PKIB: variants seen among roughly 807,000 people sequenced by gnomAD.
The protein encoded by PKIB is cAMP-dependent protein kinase inhibitor beta.
Under a neutral mutation model 4.5 loss-of-function variants are expected in PKIB, and 2 were observed. The observed-to-expected ratio is 0.44, with a 90% CI of 0.18 to 1.39. The LOEUF is 1.39. Among genes scored for constraint, PKIB ranks in the 40% most tolerant of loss-of-function variants. The pLI is 0.27. For synonymous variants in PKIB, 38 were observed against 36.0 expected, an observed-to-expected ratio of 1.06 and a Z score of -0.20; for missense variants, 94 against 92.6, an observed-to-expected ratio of 1.02 and a Z score of -0.06.
chr6:122,636,489 A>G (rs144584887), intron 2 of PKIB, among the ~76,000 whole-genome samples: 2 of 152,198 alleles, frequency 1.3e-5, no homozygotes, highest in East Asian at 1.9e-4. Context: ...AAAGAAATGT[A>G]CAAGACTTAA....
intron 2 of PKIB, among the ~76,000 whole-genome samples, chr6:122,674,382 G>A (rs937183863): frequency 6.6e-6 from 1 of 152,164 alleles, no homozygotes. Context: ...GGCAGTGAGA[G>A]TGTGGTGAAG....
intron 1 of PKIB, among the ~76,000 whole-genome samples, chr6:122,630,346 CTTTATTCA>C (rs772085243): frequency 1.3e-5 from 2 of 151,966 alleles, no homozygotes; most frequent in Non-Finnish European, 2.9e-5. Flanking sequence ...TTATTTAAGG[CTTTATTCA>C]GCCTAAAAAA....
At chr6:122,576,710 A>ATATATATATATATATATATATATATATAT (rs59569106) in intron 2 of PKIB, among the ~76,000 whole-genome samples, 2 of 110,034 alleles carry the variant, frequency 1.8e-5, no homozygotes, top group African/African-American at 4.0e-5. Flanking sequence ...ATATATATAT[A>ATATATATATATATATATATATATATATAT]TTTTCTTTTG....
intron 2 of PKIB, among the ~76,000 whole-genome samples, chr6:122,556,889 C>T (rs886703365): frequency 9.8e-5 from 15 of 152,290 alleles, no homozygotes; most frequent in East Asian, 5.8e-4. Flanking sequence ...TGTATAATAA[C>T]ACTTGATTGT....
At chr6:122,490,942 G>A (rs1330190746) in intron 2 of PKIB, among the ~76,000 whole-genome samples, 2 of 152,138 alleles carry the variant, frequency 1.3e-5, no homozygotes, top group Admixed American at 6.5e-5. Context: ...CAGTGATTAT[G>A]TTAGTGGCAG....
intron 1 of PKIB, among the ~76,000 whole-genome samples, chr6:122,622,190 CT>C (rs1775261981): frequency 6.6e-6 from 1 of 152,118 alleles, no homozygotes; most frequent in Admixed American, 6.5e-5. Flanking sequence ...TGATTTAACT[CT>C]TAAATTATGT....
intron 3 of PKIB, among the ~76,000 whole-genome samples, chr6:122,596,592 C>T (rs2163367): frequency 0.088 from 13,450 of 152,198 alleles, 784 homozygotes; most frequent in Non-Finnish European, 0.12. Context: ...CATAGTCAAA[C>T]GTTCAGTTTC....
chr6:122,579,370 TC>T (rs1773641532), intron 2 of PKIB, among the ~76,000 whole-genome samples: 2 of 152,170 alleles, frequency 1.3e-5, no homozygotes, highest in Admixed American at 6.5e-5. Context: ...CCTATCTTCA[TC>T]CCTCTGTAAA....
chr6:122,539,640 C>A (rs1777525779), intron 2 of PKIB, among the ~76,000 whole-genome samples: 1 of 151,982 alleles, frequency 6.6e-6, no homozygotes, highest in East Asian at 1.9e-4. Flanking sequence ...GTCTAAAATT[C>A]TCTTTTTTGG....
rs955025747 is a variant in PKIB, at chr6:122,718,006, T to C, written c.169+43T>C. 4 of 1,574,180 alleles carry C rather than the reference T, an allele frequency of 2.5e-6. No individual in the cohort carries two copies. The African/African-American group carries it at 5.4e-5, about 21-fold the overall frequency. Reference sequence around the variant, plus strand: ...CTTACAATTAACAGCACTTGTCCCTTCTTAACCAAGCCTTTTCTCTGGACA... The same window carrying C: ...CTTACAATTAACAGCACTTGTCCCTCCTTAACCAAGCCTTTTCTCTGGACA... On this transcript the variant is annotated intron_variant, in intron 4 of 4. Transcript: ENST00000368452.
chr6:122,624,474 TAAAACTTAAAAG>T (rs772053289), intron 1 of PKIB, among the ~76,000 whole-genome samples: 1 of 152,168 alleles, frequency 6.6e-6, no homozygotes, highest in Non-Finnish European at 1.5e-5. Context: ...AGGAAATCCT[TAAAACTTAAAAG>T]AAAACTTAGA....
intron 2 of PKIB, chr6:122,585,892 T>A (rs1297552982): frequency 6.6e-6 from 1 of 152,202 alleles, no homozygotes; most frequent in Non-Finnish European, 1.5e-5. Context: ...AATGTATGTA[T>A]AACTTGTTTT....
At chr6:122,650,732 C>T (rs1383332622) in intron 2 of PKIB, among the ~76,000 whole-genome samples, 2 of 152,166 alleles carry the variant, frequency 1.3e-5, no homozygotes, top group South Asian at 2.1e-4. Context: ...GGGCCCCCCT[C>T]ACAAATTTAT....
intron 2 of PKIB, among the ~76,000 whole-genome samples, chr6:122,634,983 T>C (rs768180235): frequency 6.6e-6 from 1 of 151,552 alleles, no homozygotes; most frequent in Non-Finnish European, 1.5e-5. Context: ...AATTGAAACC[T>C]ACTTTTATTA....
At chr6:122,547,063 A>G (rs1772518381) in intron 2 of PKIB, among the ~76,000 whole-genome samples, 1 of 152,108 alleles carries the variant, frequency 6.6e-6, no homozygotes, top group Non-Finnish European at 1.5e-5. Flanking sequence ...TATATAATGG[A>G]TCTGTGTGTA....
chr6:122,583,604 C>T, intron 2 of PKIB, among the ~76,000 whole-genome samples: 1 of 152,228 alleles, frequency 6.6e-6, no homozygotes, highest in African/African-American at 2.4e-5. Flanking sequence ...AATCCCCTCA[C>T]ACTGAATACG....
chr6:122,495,408 A>G (rs1324528828), intron 2 of PKIB, among the ~76,000 whole-genome samples: 1 of 151,964 alleles, frequency 6.6e-6, no homozygotes, highest in African/African-American at 2.4e-5. Flanking sequence ...CAGGCCTGTA[A>G]TATCCCCTCA....
chr6:122,648,728 C>A (rs1314895399), intron 2 of PKIB, among the ~76,000 whole-genome samples: 3 of 152,154 alleles, frequency 2.0e-5, no homozygotes, highest in African/African-American at 7.2e-5. Context: ...CCAGTAATAA[C>A]AAAGCAGCAC....
At chr6:122,632,592 T>C (rs1775745556) in intron 1 of PKIB, among the ~76,000 whole-genome samples, 1 of 152,166 alleles carries the variant, frequency 6.6e-6, no homozygotes, top group South Asian at 2.1e-4. Flanking sequence ...CCTAAAAGAA[T>C]ATGATCTGCA....
Sources: allele counts gnomAD v4.1 joint callset (sites outside exome capture counted in the v4.1 genomes callset), GRCh38; gene constraint gnomAD v4.1.1; transcripts MANE v1.5; gene names NCBI Gene and HGNC (gene_info 2026-07-23, HGNC 2026-07-21).